DCHS2: variants seen among roughly 807,000 people sequenced by gnomAD.
DCHS2 encodes dachsous cadherin-related 2, also known as protocadherin-23.
DCHS2 carries 142 observed loss-of-function variants against 182.4 expected under a neutral mutation model. That is an observed-to-expected ratio of 0.78 (90% CI 0.68 to 0.89). The LOEUF is 0.89. Among genes scored for constraint, DCHS2 ranks in the 40% least tolerant of loss-of-function variants. The probability of loss-of-function intolerance (pLI) is 0.00; values close to 1 mark genes in which losing one functional copy is unlikely to be tolerated. For synonymous variants in DCHS2, 1,740 were observed against 1,663.3 expected (o/e 1.05, Z -1.12); for missense variants, 4,319 against 4,198.6 (o/e 1.03, Z -0.79).
At position 154,287,127 on chromosome 4, in the gene DCHS2, A is replaced by G. The variant is rs573209733; in HGVS notation, c.6463+10724T>C. On this transcript the variant is annotated intron_variant, in intron 13 of 19. Coordinates refer to ENST00000357232, the MANE Select transcript of DCHS2 (RefSeq NM_001358235.2). The stretch of plus-strand genomic sequence containing the variant: ...CAGTGAAAATATCATTCAAATATGA[A>G]GGAGAAATAAAGACTTTTCCATACA... Among the ~76,000 whole-genome samples the G allele has an allele frequency of 5.9e-5, 9 of 152,322 alleles. No homozygotes were observed. In the East Asian group the frequency reaches 1.7e-3, roughly 29 times the overall value.
chr4:154,368,517 C>T (rs915537422), intron 2 of DCHS2, among the ~76,000 whole-genome samples: 3 of 142,036 alleles, frequency 2.1e-5, no homozygotes, highest in African/African-American at 7.8e-5. Flanking sequence ...ACGTATAATA[C>T]TTTTTTTTTT....
At chr4:154,473,021 T>G (rs1392078642) in intron 1 of DCHS2, among the ~76,000 whole-genome samples, 4 of 152,094 alleles carry the variant, frequency 2.6e-5, no homozygotes, top group Non-Finnish European at 5.9e-5. Flanking sequence ...GATGGGAGTG[T>G]CCAGGGCCTA....
chr4:154,404,756 G>A (rs1342428714), intron 1 of DCHS2, among the ~76,000 whole-genome samples: 2 of 152,110 alleles, frequency 1.3e-5, no homozygotes, highest in African/African-American at 2.4e-5. Flanking sequence ...GACCTTTTAT[G>A]GTTATGAAAT....
intron 10 of DCHS2, among the ~76,000 whole-genome samples, chr4:154,313,675 G>A (rs1268978412): frequency 6.6e-6 from 1 of 152,108 alleles, no homozygotes; most frequent in Admixed American, 6.6e-5. Context: ...GAAAGTACGT[G>A]CATACACACA....
intron 1 of DCHS2, among the ~76,000 whole-genome samples, chr4:154,473,449 G>A (rs1204445000): frequency 1.3e-5 from 2 of 152,206 alleles, no homozygotes; most frequent in Admixed American, 1.3e-4. Context: ...GGAAGGGAGA[G>A]CTAATATTAT....
intron 1 of DCHS2, among the ~76,000 whole-genome samples, chr4:154,471,754 A>C (rs1735477570): frequency 6.6e-6 from 1 of 152,002 alleles, no homozygotes; most frequent in South Asian, 2.1e-4. Context: ...TTAGAGTGTG[A>C]GATTGAACTT....
Position 154,320,648 on chromosome 4 carries a change from A to G in DCHS2, c.4751T>C (p.Ile1584Thr). 6.2e-7 allele frequency: 1 copy of G among 1,614,160 alleles called. No individual in the cohort carries two copies. The highest frequency in any genetic ancestry group is 1.6e-4 in the Middle Eastern group (1 of 6,062). The part of the protein sequence containing the change: ...RLDRESIPTV[I>T]LTVTASDQAV... The stretch of plus-strand genomic sequence containing the variant: ...CTGATCAGATGCTGTTACTGTCAGG[A>G]TGACAGTTGGAATGCTTTCTCTGTC... Residue 1584 changes from isoleucine (I) to threonine (T), a missense_variant, in exon 9 of 20, where the codon ATC becomes ACC. Coordinates refer to ENST00000357232, the MANE Select transcript of DCHS2 (RefSeq NM_001358235.2).
chr4:154,330,340 A>G (rs1736471009), intron 5 of DCHS2, among the ~76,000 whole-genome samples: 1 of 149,728 alleles, frequency 6.7e-6, no homozygotes, highest in Admixed American at 6.7e-5. Context: ...CAAAATATAC[A>G]TGTAGCAGTG....
chr4:154,491,028 A>T lies in DCHS2; in HGVS notation c.328T>A (p.Ser110Thr). 6.4e-7 allele frequency: 1 copy of T among 1,550,834 alleles called. No individual in the cohort carries two copies. The highest frequency in any genetic ancestry group is 8.7e-7 in the Non-Finnish European group (1 of 1,146,718). ...GFFLSEDSDD[S>T]PLLDDFHVHP... ...ACGTGGAAGTCGTCCAGCAGCGGGG[A>T]GTCATCGGAGTCCTCCGACAGAAAG... Residue 110 changes from serine to threonine, a missense_variant, in exon 1 of 20, where the codon TCC (serine) becomes ACC (threonine). Coordinates refer to ENST00000357232, the MANE Select transcript of DCHS2 (RefSeq NM_001358235.2).
At chr4:154,389,010 G>A (rs994914551) in intron 1 of DCHS2, among the ~76,000 whole-genome samples, 3 of 152,140 alleles carry the variant, frequency 2.0e-5, no homozygotes, top group African/African-American at 7.2e-5. Flanking sequence ...TAAACCAGGG[G>A]TGAGCAAGGG....
chr4:154,489,376 C>T lies in DCHS2; in HGVS notation c.1980G>A (p.Glu660=). Residue 660 remains glutamate, a synonymous_variant, in exon 1 of 20, where the codon GAG becomes GAA. Transcript: ENST00000357232. ...TGTACACCTGCCTCCAGAAGATGGG[C>T]TCATTGTCATTCACATCATCTACGG... ...SITVDDVNDN[E]PIFWRQVYNA... The T allele has an allele frequency of 2.6e-6, 4 of 1,551,194 alleles. No homozygotes were observed. In the East Asian group the frequency reaches 7.3e-5, roughly 28 times the overall value.
Position 154,237,136 on chromosome 4 carries a change from C to T in DCHS2, c.7516G>A (p.Val2506Ile), listed in dbSNP as rs530820201. ...KNGTIFTISP[V>I]LLLDTISTTQ... is the part of the protein sequence containing the mutation. ...GTTGATATTGTATCCAGAAGTAATA[C>T]GGGACTGATAGTAAATATTGTGCCT... The change falls in exon 20 of 20, where the codon GTA becomes ATA. Residue 2506 changes from valine to isoleucine, a missense_variant. Val to Ile is a conservative substitution (Grantham distance 29). Coordinates refer to ENST00000357232, the MANE Select transcript of DCHS2 (RefSeq NM_001358235.2). 32 of 1,611,830 alleles carry T rather than the reference C, an allele frequency of 2.0e-5. No individual in the cohort carries two copies. Among genetic ancestry groups the T allele is most frequent in the Middle Eastern group, 1.7e-4 (1 of 6,038 alleles).
chr4:154,352,613 G>A (rs1729672687), intron 3 of DCHS2: 1 of 152,172 alleles, frequency 6.6e-6, no homozygotes, highest in Non-Finnish European at 1.5e-5. Context: ...ACTACTAAAG[G>A]AAAGTTTTGT....
intron 1 of DCHS2, among the ~76,000 whole-genome samples, chr4:154,470,670 T>C (rs1735427151): frequency 6.6e-6 from 1 of 152,198 alleles, no homozygotes; most frequent in Non-Finnish European, 1.5e-5. Context: ...ATAAGCTATG[T>C]ATCTCAAGAA....
Position 154,440,409 on chromosome 4 carries a change from A to G in DCHS2, c.2052+48895T>C, listed in dbSNP as rs575095884. Among the ~76,000 whole-genome samples, 3 of 152,290 alleles carry G rather than the reference A, an allele frequency of 2.0e-5. No individual in the cohort carries two copies. The South Asian group carries it at 6.2e-4, about 32-fold the overall frequency. On this transcript the variant is annotated intron_variant, in intron 1 of 19. Coordinates refer to ENST00000357232, the MANE Select transcript of DCHS2 (RefSeq NM_001358235.2). ...CATTTTATTGTGGTGCTGATCTTCT[A>G]TTCTTCTATCAGCGATTCTCAACCT...
chr4:154,303,867 T>G (rs1578940800), intron 12 of DCHS2, among the ~76,000 whole-genome samples: 1 of 152,300 alleles, frequency 6.6e-6, no homozygotes, highest in East Asian at 1.9e-4. Flanking sequence ...ATGCACTGAT[T>G]GTTGTCTTGC....
At chr4:154,426,436 G>A (rs543874370) in intron 1 of DCHS2, among the ~76,000 whole-genome samples, 2 of 152,180 alleles carry the variant, frequency 1.3e-5, no homozygotes, top group Non-Finnish European at 2.9e-5. Flanking sequence ...TCATCATGAT[G>A]ATCTAGGTAA....
chr4:154,411,480 CCAGCTACT>C (rs113152836), intron 1 of DCHS2, among the ~76,000 whole-genome samples: 13 of 152,042 alleles, frequency 8.6e-5, no homozygotes, highest in African/African-American at 3.1e-4. Flanking sequence ...GCCTGTAGTC[CCAGCTACT>C]CGGGAGGCTG....
intron 1 of DCHS2, among the ~76,000 whole-genome samples, chr4:154,422,091 C>A: frequency 6.6e-6 from 1 of 152,178 alleles, no homozygotes; most frequent in Non-Finnish European, 1.5e-5. Context: ...CTCTAAATAT[C>A]CTTTTTCAGT....
Sources: allele counts gnomAD v4.1 joint callset (sites outside exome capture counted in the v4.1 genomes callset), GRCh38; gene constraint gnomAD v4.1.1; transcripts MANE v1.5; gene names NCBI Gene and HGNC (gene_info 2026-07-23, HGNC 2026-07-21).